Variants in NHLRC2 observed in about 807,000 individuals in gnomAD.
NHLRC2 encodes NHL repeat containing 2, also known as NHL repeat-containing protein 2.
Under a neutral mutation model 68.1 loss-of-function variants are expected in NHLRC2, and 33 were observed. The ratio of observed to expected loss-of-function variants is 0.48; its 90% CI spans 0.37 to 0.65. The LOEUF is 0.65. Among genes scored for constraint, NHLRC2 ranks in the 30% least tolerant of loss-of-function variants. The pLI, the probability that NHLRC2 is intolerant of heterozygous loss-of-function variation, is 0.00. For synonymous variants in NHLRC2, 311 were observed against 309.6 expected (o/e 1.00, Z -0.05); for missense variants, 761 against 853.8 (o/e 0.89, Z 1.35).
At chr10:113,908,132 A>AT (rs1846291882) in intron 10 of NHLRC2, 148 bp from the exon 11 acceptor site, 1 of 622,704 alleles carries the variant, frequency 1.6e-6, no homozygotes, top group Non-Finnish European at 2.8e-6. Flanking sequence ...TGTTATGTAT[A>AT]TTTATGTCCT....
intron 4 of NHLRC2, among the ~76,000 whole-genome samples, chr10:113,883,773 A>G (rs537321883): frequency 2.0e-5 from 3 of 152,050 alleles, no homozygotes; most frequent in South Asian, 4.1e-4. Flanking sequence ...TTTTCTCTAA[A>G]ATATTAAAAT....
Position 113,858,557 on chromosome 10 carries a change from ATTTC to A in NHLRC2, c.210_213del (p.Ile70MetfsTer10), listed in dbSNP as rs1845784014. 6.2e-7 allele frequency: 1 copy of A among 1,606,442 alleles called. No homozygotes were observed. On this transcript the variant is annotated frameshift_variant, in exon 2 of 11. Transcript: ENST00000369301. LOFTEE classifies it high-confidence loss of function. The stretch of plus-strand genomic sequence containing the variant: ...AGAATGGCTGAACACAGAAGAACCT[ATTTC>A]TGTCTACAAGGATCTATGTGGAAAA...
chr10:113,857,920 C>T (rs536638502), intron 1 of NHLRC2, among the ~76,000 whole-genome samples: 3 of 152,242 alleles, frequency 2.0e-5, no homozygotes, highest in South Asian at 4.1e-4. Context: ...TATCCTTACA[C>T]ACATTTCACT....
At chr10:113,894,363 G>T (rs1476353775) in intron 5 of NHLRC2, among the ~76,000 whole-genome samples, 3 of 152,056 alleles carry the variant, frequency 2.0e-5, no homozygotes, top group Non-Finnish European at 2.9e-5. Flanking sequence ...TTACCCTTAG[G>T]TGTTTGATGT....
intron 6 of NHLRC2, among the ~76,000 whole-genome samples, 153 bp downstream of exon 6, chr10:113,898,362 G>A (rs1245563484): frequency 6.6e-6 from 1 of 152,196 alleles, no homozygotes; most frequent in African/African-American, 2.4e-5. Flanking sequence ...TTAAAACAAG[G>A]CGTGTTTATT....
intron 2 of NHLRC2, among the ~76,000 whole-genome samples, chr10:113,870,585 A>G (rs1350881978): frequency 6.6e-6 from 1 of 152,256 alleles, no homozygotes; most frequent in Non-Finnish European, 1.5e-5. Context: ...TTTAGCAATT[A>G]TAAGCAATAA....
At chr10:113,856,569 A>T (rs538671419) in intron 1 of NHLRC2, among the ~76,000 whole-genome samples, 76 of 152,248 alleles carry the variant, frequency 5.0e-4, no homozygotes, top group Non-Finnish European at 1.0e-3. Context: ...TAGTAAGTAC[A>T]CTGTTATAAA....
chr10:113,902,249 TGTGAGTAAAACTACTAA>T (rs1346185493), intron 7 of NHLRC2, among the ~76,000 whole-genome samples: 1 of 152,198 alleles, frequency 6.6e-6, no homozygotes, highest in Non-Finnish European at 1.5e-5. Flanking sequence ...GATGTAGTAT[TGTGAGTAAAACTACTAA>T]GCACCACCAA....
chr10:113,879,663 G>C lies in NHLRC2; in HGVS notation c.877G>C (p.Val293Leu). 6.5e-7 allele frequency: 1 copy of C among 1,549,006 alleles called. No homozygotes were observed. Among genetic ancestry groups the C allele is most frequent in the Non-Finnish European group, 8.8e-7 (1 of 1,134,114 alleles). The change falls in exon 4 of 11, where the codon GTG becomes CTG. Residue 293 changes from valine to leucine, a missense_variant. By Grantham distance (32) the Val-to-Leu change is conservative. Coordinates refer to ENST00000369301, the MANE Select transcript of NHLRC2 (RefSeq NM_198514.4). Reference protein sequence around the residue: ...GVAIMNNIIYVADTENHLIRK... With the variant: ...GVAIMNNIIYLADTENHLIRK... ...AGCCATAATGAATAATATCATATAT[G>C]TGGCAGACACTGAAAACCACCTTAT...
In NHLRC2 at chr10:113,912,667, G is replaced by C. The variant is rs548205428; in HGVS notation, c.*4131G>C. ...CACAAAATCTTCAAAGTGCTTTCATGTGTATTGCCTCATTTGAGCTTCAAA... is the reference window on the plus strand; with the variant it reads ...CACAAAATCTTCAAAGTGCTTTCATCTGTATTGCCTCATTTGAGCTTCAAA... On this transcript the variant is annotated 3_prime_UTR_variant, in exon 11 of 11. Transcript: ENST00000369301. The C allele has an allele frequency of 6.6e-6, 1 of 152,324 alleles. No individual in the cohort carries two copies. Among genetic ancestry groups the C allele is most frequent in the East Asian group, 1.9e-4 (1 of 5,178 alleles). The allele number at this position is 152,324 out of a possible 1,614,324, so 9.4% of individuals were successfully genotyped here. A position where few individuals can be genotyped will look rare whatever the true frequency, so the allele number is the denominator to read the frequency against.
chr10:113,876,883 G>GACCAAGTT lies in NHLRC2; in HGVS notation c.697_704dup (p.Asp236LysfsTer7). On this transcript the variant is annotated frameshift_variant, in exon 3 of 11. Transcript: ENST00000369301. LOFTEE classifies it high-confidence loss of function. Reference sequence around the variant, plus strand: ...GCTATTTCCTGGCAAAGTAACAGTAGACCAAGTTACTGATAGATTGGTAAT... The same window carrying GACCAAGTT: ...GCTATTTCCTGGCAAAGTAACAGTAGACCAAGTTACCAAGTTACTGATAGATTGGTAAT... The GACCAAGTT allele has an allele frequency of 1.2e-6, 2 of 1,612,776 alleles. No homozygotes were observed. Among genetic ancestry groups the GACCAAGTT allele is most frequent in the Non-Finnish European group, 1.7e-6 (2 of 1,179,194 alleles).
chr10:113,884,496 A>G, intron 5 of NHLRC2, 116 bp downstream of exon 5: 1 of 733,576 alleles, frequency 1.4e-6, no homozygotes, highest in Non-Finnish European at 2.1e-6. Flanking sequence ...TTATACTTTT[A>G]TACCTATGCC....
At chr10:113,890,767 T>C (rs896769573) in intron 5 of NHLRC2, among the ~76,000 whole-genome samples, 31 of 152,326 alleles carry the variant, frequency 2.0e-4, no homozygotes, top group Middle Eastern at 3.4e-3. Context: ...CCTGTTGTAT[T>C]AGTCCATTCT....
At chr10:113,888,717 A>G (rs1846104135) in intron 5 of NHLRC2, among the ~76,000 whole-genome samples, 1 of 152,110 alleles carries the variant, frequency 6.6e-6, no homozygotes, top group Non-Finnish European at 1.5e-5. Flanking sequence ...TTTTCAGCAG[A>G]TACATTGTAA....
intron 8 of NHLRC2, among the ~76,000 whole-genome samples, chr10:113,903,032 C>G (rs980613078): frequency 6.6e-6 from 1 of 152,070 alleles, no homozygotes; most frequent in Non-Finnish European, 1.5e-5. Flanking sequence ...TGCATTTTTA[C>G]TTTTTACAAA....
intron 2 of NHLRC2, among the ~76,000 whole-genome samples, chr10:113,873,550 A>C (rs1408811635): frequency 6.6e-6 from 1 of 152,122 alleles, no homozygotes; most frequent in Admixed American, 6.6e-5. Flanking sequence ...ACCTAAGTTT[A>C]CTAACTTTTC....
rs1338358641 is a variant in NHLRC2 at position 113,913,223 on chromosome 10, C to G, written c.*4687C>G. On this transcript the variant is annotated 3_prime_UTR_variant, in exon 11 of 11. Coordinates refer to ENST00000369301, the MANE Select transcript of NHLRC2 (RefSeq NM_198514.4). Reference sequence around the variant, plus strand: ...GGCCTGGATGGGAGTCTGTTCAACTCTCTGCTGTATTGCCTCTTAAAGTAG... The same window carrying G: ...GGCCTGGATGGGAGTCTGTTCAACTGTCTGCTGTATTGCCTCTTAAAGTAG... 1 of 152,044 alleles carries G rather than the reference C, an allele frequency of 6.6e-6. No individual in the cohort carries two copies. The highest frequency in any genetic ancestry group is 1.5e-5 in the Non-Finnish European group (1 of 67,930). The allele number at this position is 152,044 out of a possible 1,614,324, so 9.4% of individuals were successfully genotyped here.
intron 7 of NHLRC2, 52 bp downstream of exon 7, chr10:113,901,949 A>C: frequency 2.4e-6 from 3 of 1,225,864 alleles, no homozygotes; most frequent in Non-Finnish European, 3.6e-6. Context: ...CAAGCTGTCA[A>C]TTTTGTGAAT....
chr10:113,855,745 C>T (rs1015140907), intron 1 of NHLRC2, among the ~76,000 whole-genome samples: 3 of 152,168 alleles, frequency 2.0e-5, no homozygotes, highest in Non-Finnish European at 2.9e-5. Flanking sequence ...GTGATCCTCC[C>T]GCCTCCGTTT....
Sources: allele counts gnomAD v4.1 joint callset (sites outside exome capture counted in the v4.1 genomes callset), GRCh38; gene constraint gnomAD v4.1.1; transcripts MANE v1.5; gene names NCBI Gene and HGNC (gene_info 2026-07-23, HGNC 2026-07-21).